COG6: variants seen among roughly 807,000 people sequenced by gnomAD.
COG6 encodes component of oligomeric golgi complex 6.
Under a neutral mutation model 88.8 loss-of-function variants are expected in COG6, and 74 were observed. The observed-to-expected ratio is 0.83, with a 90% CI of 0.69 to 1.01. The LOEUF (loss-of-function observed/expected upper bound fraction) is 1.01. Among genes scored for constraint, COG6 ranks in the 50% least tolerant of loss-of-function variants. COG6 has a pLI of 0.00. For missense variants in COG6, 800 were observed against 797.9 expected (o/e 1.00, Z -0.03); for synonymous variants, 286 against 278.7 (o/e 1.03, Z -0.26).
In COG6 at chr13:39,691,863, A is replaced by G. The variant is rs143502546; in HGVS notation, c.1074+2039A>G. On this transcript the variant is annotated intron_variant, in intron 11 of 18. Coordinates refer to ENST00000455146, the MANE Select transcript of COG6 (RefSeq NM_020751.3). ...TCTTCTTCCTAATTGATAAGCAACT[A>G]AACTTTTTCTAATGACATATGATAT... 3.9e-3 allele frequency among the ~76,000 whole-genome samples: 587 copies of G among 152,108 alleles called. 3 individuals are homozygous for G. The highest frequency in any genetic ancestry group is 6.0e-3 in the Non-Finnish European group (408 of 67,900).
chr13:39,746,700 CAGAT>C (rs1480308801), intron 18 of COG6, among the ~76,000 whole-genome samples: 8 of 152,050 alleles, frequency 5.3e-5, no homozygotes, highest in Non-Finnish European at 1.2e-4. Context: ...ACAATATAGA[CAGAT>C]AGATCAGTTG....
intron 5 of COG6, 107 bp from the exon 6 acceptor site, chr13:39,679,431 C>G (rs537269057): frequency 6.9e-5 from 51 of 737,236 alleles, no homozygotes; most frequent in Middle Eastern, 4.7e-4. Context: ...GAAGGCTTCC[C>G]TAAAATAGGT....
intron 8 of COG6, 22 bp downstream of exon 8, chr13:39,682,286 A>G (rs1352727440): frequency 1.4e-6 from 2 of 1,431,900 alleles, no homozygotes; most frequent in Non-Finnish European, 2.0e-6. Context: ...TTTCTTAATT[A>G]AAAATGAAAG....
chr13:39,724,860 G>C (rs1370256423), intron 17 of COG6, among the ~76,000 whole-genome samples: 1 of 151,862 alleles, frequency 6.6e-6, no homozygotes, highest in Non-Finnish European at 1.5e-5. Flanking sequence ...AGGAATGACA[G>C]ATATGAAGAA....
intron 18 of COG6, among the ~76,000 whole-genome samples, chr13:39,785,926 A>C (rs1881760047): frequency 6.6e-6 from 1 of 152,162 alleles, no homozygotes; most frequent in African/African-American, 2.4e-5. Flanking sequence ...GAAATGATAT[A>C]TCAAAGTAGG....
At chr13:39,771,453 C>A (rs979665549) in intron 18 of COG6, among the ~76,000 whole-genome samples, 1 of 152,108 alleles carries the variant, frequency 6.6e-6, no homozygotes, top group Non-Finnish European at 1.5e-5. Flanking sequence ...GAGACCCGGC[C>A]CTGCTGCTCA....
At chr13:39,790,000 A>C (rs1011974264) in exon 19 of COG6, 8 of 152,214 alleles carry the variant, frequency 5.3e-5, no homozygotes, top group African/African-American at 1.7e-4. Flanking sequence ...TAATTTGTTT[A>C]AATAAATGTG....
At chr13:39,752,852 A>G (rs1400388105), downstream of COG6, among the ~76,000 whole-genome samples, 2 of 152,232 alleles carry the variant, frequency 1.3e-5, no homozygotes, top group African/African-American at 2.4e-5. Flanking sequence ...CTATTACTCC[A>G]TAGTTTGCAT....
chr13:39,765,521 A>C (rs1266731448), intron 18 of COG6, among the ~76,000 whole-genome samples: 2 of 152,222 alleles, frequency 1.3e-5, no homozygotes, highest in East Asian at 3.8e-4. Context: ...CCTTAATCCC[A>C]AAATGTGTTA....
chr13:39,657,361 T>A, intron 1 of COG6, among the ~76,000 whole-genome samples: 1 of 152,110 alleles, frequency 6.6e-6, no homozygotes, highest in Non-Finnish European at 1.5e-5. Context: ...ATGAGGAAAA[T>A]AAAGCATGGA....
intron 13 of COG6, among the ~76,000 whole-genome samples, chr13:39,701,107 T>A (rs1021496452): frequency 6.6e-6 from 1 of 151,916 alleles, no homozygotes; most frequent in African/African-American, 2.4e-5. Context: ...TATTCATACA[T>A]GATCTAAGGG....
At chr13:39,686,463 A>G (rs2138004021) in intron 8 of COG6, among the ~76,000 whole-genome samples, 1 of 152,302 alleles carries the variant, frequency 6.6e-6, no homozygotes, top group South Asian at 2.1e-4. Context: ...CTTCCCTACC[A>G]GTTCCTTCAC....
At chr13:39,789,241 A>G (rs916161264) in exon 19 of COG6, 4 of 152,230 alleles carry the variant, frequency 2.6e-5, no homozygotes, top group Non-Finnish European at 4.4e-5. Flanking sequence ...CCGTATAAAT[A>G]ATGCTGCCTC....
intron 12 of COG6, among the ~76,000 whole-genome samples, chr13:39,697,414 C>T (rs1593433260): frequency 6.6e-6 from 1 of 151,890 alleles, no homozygotes; most frequent in African/African-American, 2.4e-5. Flanking sequence ...AAAAATTTAC[C>T]TCTCATACAT....
Position 39,661,602 on chromosome 13 carries a change from A to G in COG6, c.369+721A>G, listed in dbSNP as rs1413907061. On this transcript the variant is annotated intron_variant, in intron 3 of 18. Transcript: ENST00000455146. ...TAATTTCTTGTTTCTCTAAAATTTTATCTTTTCTGGTCTTGTCTAAATTTT... is the reference window on the plus strand; with the variant it reads ...TAATTTCTTGTTTCTCTAAAATTTTGTCTTTTCTGGTCTTGTCTAAATTTT... 2.0e-5 allele frequency among the ~76,000 whole-genome samples: 3 copies of G among 152,102 alleles called. No individual in the cohort carries two copies. In the East Asian group the frequency reaches 5.8e-4, roughly 29 times the overall value.
intron 12 of COG6, among the ~76,000 whole-genome samples, chr13:39,698,129 A>G (rs769269412): frequency 6.6e-6 from 1 of 151,964 alleles, no homozygotes; most frequent in African/African-American, 2.4e-5. Context: ...AATAAACGTT[A>G]GTAAATTCTA....
chr13:39,655,954 G>T (rs1465751718), intron 1 of COG6, 75 bp downstream of exon 1: 1 of 1,526,244 alleles, frequency 6.6e-7, no homozygotes, highest in Non-Finnish European at 8.9e-7. Flanking sequence ...GTCTGTCAGG[G>T]ACCCACCGCG....
intron 13 of COG6, among the ~76,000 whole-genome samples, chr13:39,703,855 T>C (rs1266155631): frequency 6.6e-6 from 1 of 152,022 alleles, no homozygotes; most frequent in African/African-American, 2.4e-5. Context: ...GCCTTCCAAG[T>C]AGCTGGGACT....
chr13:39,730,489 G>C (rs558182686), intron 18 of COG6, among the ~76,000 whole-genome samples: 2 of 151,898 alleles, frequency 1.3e-5, no homozygotes, highest in South Asian at 4.2e-4. Flanking sequence ...TTTAACGTCA[G>C]GCCGGGCGTG....
Sources: gnomAD v4.1 joint callset for allele counts (sites outside exome capture counted in the v4.1 genomes callset) on GRCh38, gnomAD v4.1.1 for gene constraint, MANE v1.5 for transcripts, NCBI Gene and HGNC (gene_info 2026-07-23, HGNC 2026-07-21) for gene names.